Variants in AGBL1 observed in about 807,000 individuals in gnomAD.
AGBL1 encodes cytosolic carboxypeptidase 4.
Under a neutral mutation model 118.9 loss-of-function variants are expected in AGBL1, and 130 were observed. The observed-to-expected ratio is 1.09, with a 90% CI of 0.95 to 1.26. The LOEUF (loss-of-function observed/expected upper bound fraction) is 1.26. AGBL1 is among the 50% of genes most tolerant of loss of function. The pLI, the probability that AGBL1 is intolerant of heterozygous loss-of-function variation, is 0.00. For synonymous variants in AGBL1, 555 were observed against 478.9 expected, an observed-to-expected ratio of 1.16 and a Z score of -2.08; for missense variants, 1,584 against 1,298.1, an observed-to-expected ratio of 1.22 and a Z score of -3.38.
chr15:86,380,532 C>T (rs1019277985), intron 17 of AGBL1, among the ~76,000 whole-genome samples: 1 of 119,158 alleles, frequency 8.4e-6, no homozygotes, highest in Non-Finnish European at 1.6e-5. Context: ...TCCTCCGTCC[C>T]TTCCTCGCTT....
intron 18 of AGBL1, among the ~76,000 whole-genome samples, chr15:86,422,450 G>T (rs760455282): frequency 2.6e-5 from 4 of 152,104 alleles, no homozygotes; most frequent in African/African-American, 9.7e-5. Context: ...CTAAAGCAGC[G>T]TTTAGAGGGA....
At chr15:86,250,340 C>T (rs2078791286) in intron 7 of AGBL1, among the ~76,000 whole-genome samples, 1 of 151,728 alleles carries the variant, frequency 6.6e-6, no homozygotes, top group Non-Finnish European at 1.5e-5. Flanking sequence ...GCCTGGCCAA[C>T]ATGGCAAAAC....
chr15:86,862,902 G>A (rs537525193), intron 22 of AGBL1, among the ~76,000 whole-genome samples: 1 of 152,224 alleles, frequency 6.6e-6, no homozygotes, highest in Non-Finnish European at 1.5e-5. Context: ...AAGGAAAAGA[G>A]TCCTACATTA....
intron 17 of AGBL1, among the ~76,000 whole-genome samples, chr15:86,362,958 G>A (rs966316118): frequency 2.6e-5 from 4 of 152,170 alleles, no homozygotes; most frequent in Admixed American, 2.6e-4. Flanking sequence ...CTTAATACCT[G>A]GGGCATGGAC....
At chr15:86,923,095 A>G (rs1258218610) in intron 23 of AGBL1, among the ~76,000 whole-genome samples, 2 of 152,204 alleles carry the variant, frequency 1.3e-5, no homozygotes, top group Non-Finnish European at 2.9e-5. Flanking sequence ...CAATCGCTGA[A>G]GCTGGATATC....
At chr15:86,676,884 C>T (rs1331414216) in intron 22 of AGBL1, among the ~76,000 whole-genome samples, 1 of 151,984 alleles carries the variant, frequency 6.6e-6, no homozygotes, top group Admixed American at 6.5e-5. Context: ...GGGTGGATCA[C>T]GAGGTCAGGA....
chr15:86,409,039 AT>A (rs35189048), intron 18 of AGBL1, among the ~76,000 whole-genome samples: 1 of 152,224 alleles, frequency 6.6e-6, no homozygotes, highest in African/African-American at 2.4e-5. Flanking sequence ...ACATATTTAA[AT>A]TTTAAAAAAT....
At chr15:86,200,458 C>G (rs1333643618) in intron 5 of AGBL1, among the ~76,000 whole-genome samples, 2 of 151,532 alleles carry the variant, frequency 1.3e-5, no homozygotes, top group Admixed American at 1.3e-4. Flanking sequence ...ATACTGGAAG[C>G]TGAGATGTTT....
At chr15:86,403,592 A>G (rs966416773) in intron 18 of AGBL1, among the ~76,000 whole-genome samples, 2 of 152,220 alleles carry the variant, frequency 1.3e-5, no homozygotes, top group African/African-American at 2.4e-5. Context: ...AAAATTATTC[A>G]GCACCTTTTA....
At chr15:86,275,986 G>A (rs1475632263) in intron 15 of AGBL1, among the ~76,000 whole-genome samples, 1 of 152,160 alleles carries the variant, frequency 6.6e-6, no homozygotes, top group Non-Finnish European at 1.5e-5. Context: ...AAAATAACAT[G>A]AGATAAAACA....
chr15:86,199,617 G>A (rs74025015), intron 5 of AGBL1, among the ~76,000 whole-genome samples: 1,560 of 152,236 alleles, frequency 0.01, 22 homozygotes, highest in African/African-American at 0.036. Flanking sequence ...GAACTGTTAC[G>A]GAAATTGTGA....
intron 22 of AGBL1, among the ~76,000 whole-genome samples, chr15:86,762,738 G>A (rs2078044165): frequency 6.6e-6 from 1 of 151,952 alleles, no homozygotes; most frequent in Non-Finnish European, 1.5e-5. Flanking sequence ...CTTTATCTCT[G>A]AAAACAGAGG....
At chr15:86,110,450 T>TAA (rs1229205673) in intron 1 of AGBL1, among the ~76,000 whole-genome samples, 1 of 152,216 alleles carries the variant, frequency 6.6e-6, no homozygotes, top group Non-Finnish European at 1.5e-5. Flanking sequence ...TACTATTCAT[T>TAA]AAGTGGGAGT....
intron 22 of AGBL1, among the ~76,000 whole-genome samples, chr15:86,861,470 A>G (rs894370379): frequency 5.9e-5 from 9 of 152,204 alleles, no homozygotes; most frequent in Admixed American, 5.2e-4. Context: ...ATGAAGTTCA[A>G]AAAGGTTTAG....
At chr15:86,328,433 A>G (rs2080219921) in intron 17 of AGBL1, among the ~76,000 whole-genome samples, 1 of 152,242 alleles carries the variant, frequency 6.6e-6, no homozygotes, top group South Asian at 2.1e-4. Context: ...TAAAAAAAAT[A>G]CAATTTATAA....
chr15:86,274,687 G>A (rs2079217744), intron 15 of AGBL1, among the ~76,000 whole-genome samples: 1 of 152,072 alleles, frequency 6.6e-6, no homozygotes, highest in African/African-American at 2.4e-5. Flanking sequence ...TCATACTCCA[G>A]CCCTGGAATA....
intron 23 of AGBL1, chr15:86,987,914 C>A: frequency 6.6e-7 from 1 of 1,513,814 alleles, no homozygotes; most frequent in South Asian, 1.3e-5. Flanking sequence ...TTTTTAAAAT[C>A]CATCTATAAT....
chr15:86,393,903 C>T (rs903444909), intron 17 of AGBL1, among the ~76,000 whole-genome samples: 2 of 152,010 alleles, frequency 1.3e-5, no homozygotes, highest in East Asian at 1.9e-4. Flanking sequence ...AAGAGGCTTG[C>T]GGGAACTCAG....
intron 21 of AGBL1, among the ~76,000 whole-genome samples, chr15:86,647,712 A>C (rs559920965): frequency 6.6e-6 from 1 of 152,330 alleles, no homozygotes; most frequent in Non-Finnish European, 1.5e-5. Context: ...AAATACAAAA[A>C]GAAAATATGT....
Sources: allele counts gnomAD v4.1 joint callset (sites outside exome capture counted in the v4.1 genomes callset), GRCh38; gene constraint gnomAD v4.1.1; transcripts MANE v1.5; gene names NCBI Gene and HGNC (gene_info 2026-07-23, HGNC 2026-07-21).